The following DDX52 variants were observed in gnomAD, a reference collection of about 807,000 sequenced individuals.
The protein encoded by DDX52 is DExD-box helicase 52, also known as probable ATP-dependent RNA helicase DDX52.
Under a neutral mutation model 76.1 loss-of-function variants are expected in DDX52, and 59 were observed. The observed-to-expected ratio is 0.78, with a 90% CI of 0.63 to 0.96. The LOEUF (loss-of-function observed/expected upper bound fraction) is 0.96, where lower values mean the gene tolerates loss of function less well. Ranked by LOEUF, DDX52 falls within the 40% of genes least tolerant of loss-of-function variation. DDX52 has a pLI of 0.00. For synonymous variants in DDX52, 231 were observed against 244.1 expected, an observed-to-expected ratio of 0.95 and a Z score of 0.50; for missense variants, 707 against 703.9, an observed-to-expected ratio of 1.00 and a Z score of -0.05.
At chr17:37,626,718 G>T in intron 7 of DDX52, 70 bp downstream of exon 7, 1 of 1,472,120 alleles carries the variant, frequency 6.8e-7, no homozygotes, top group Non-Finnish European at 9.4e-7. Flanking sequence ...AAAAATACAA[G>T]CAATAGAGGA....
In DDX52 at chr17:37,612,329, G is replaced by A. The variant is rs1263906169; in HGVS notation, c.*1967C>T. On this transcript the variant is annotated 3_prime_UTR_variant, in exon 15 of 15. Transcript: ENST00000617633. The stretch of plus-strand genomic sequence containing the variant: ...TGAGCTCAGACAACCTGCCCGCCTA[G>A]GCCTCCCGAAGTGTTAGGATTACAG... 1 of 152,078 alleles carries A rather than the reference G, an allele frequency of 6.6e-6. No homozygotes were observed. The highest frequency in any genetic ancestry group is 2.4e-5 in the African/African-American group (1 of 41,404). 9.4% of individuals were successfully genotyped at this position (152,078 alleles called of 1,614,324 possible).
Position 37,632,198 on chromosome 17 carries a change from T to A in DDX52, c.518A>T (p.Asn173Ile). The A allele has an allele frequency of 6.2e-7, 1 of 1,613,920 alleles. No individual in the cohort carries two copies. The highest frequency in any genetic ancestry group is 8.5e-7 in the Non-Finnish European group (1 of 1,179,984). ...FQQLDQEYKINSRLLQNILDA... is the reference protein window; with the variant it reads ...FQQLDQEYKIISRLLQNILDA... ...TAGAATGTTCTGAAGTAGTCGAGAATTGATTTTATATTCCTGGTCAAGTTG... is the reference window on the plus strand; with the variant it reads ...TAGAATGTTCTGAAGTAGTCGAGAAATGATTTTATATTCCTGGTCAAGTTG... Residue 173 changes from asparagine (N) to isoleucine (I), a missense_variant, in exon 4 of 15, where the codon AAT becomes ATT. Asn to Ile is a moderately radical substitution (Grantham distance 149). Transcript: ENST00000617633.
intron 9 of DDX52, among the ~76,000 whole-genome samples, chr17:37,622,928 ATAT>A (rs529476847): frequency 1.6e-4 from 25 of 152,190 alleles, no homozygotes; most frequent in Non-Finnish European, 5.9e-5. Flanking sequence ...TATGAGGTAG[ATAT>A]TATTATCCCA....
intron 14 of DDX52, chr17:37,615,114 T>G (rs534331922): frequency 1.3e-5 from 2 of 152,298 alleles, no homozygotes; most frequent in East Asian, 3.9e-4. Context: ...AATGGGGAAG[T>G]TGGGGCTGAA....
chr17:37,639,263 A>G (rs2031074130), intron 2 of DDX52, among the ~76,000 whole-genome samples: 1 of 152,240 alleles, frequency 6.6e-6, no homozygotes, highest in South Asian at 2.1e-4. Flanking sequence ...ATGTAATACA[A>G]TAAGGGTACA....
At chr17:37,618,860 T>C (rs1286778634) in intron 13 of DDX52, among the ~76,000 whole-genome samples, 3 of 152,230 alleles carry the variant, frequency 2.0e-5, no homozygotes, top group Non-Finnish European at 2.9e-5. Flanking sequence ...GATCGCCTAA[T>C]AGGATTTACA....
chr17:37,616,171 T>C (rs950385894), intron 14 of DDX52, among the ~76,000 whole-genome samples: 32 of 152,318 alleles, frequency 2.1e-4, no homozygotes, highest in African/African-American at 5.8e-4. Flanking sequence ...ATTTGTTATC[T>C]TGGCTTTAAG....
intron 2 of DDX52, among the ~76,000 whole-genome samples, chr17:37,637,158 C>T (rs1026243557): frequency 2.0e-5 from 3 of 151,916 alleles, no homozygotes; most frequent in African/African-American, 7.3e-5. Flanking sequence ...TGGAGTCTTA[C>T]TGTGTCACCC....
chr17:37,642,294 T>C lies in DDX52; in HGVS notation c.102A>G (p.Lys34=). The change falls in exon 2 of 15, where the codon AAA becomes AAG. Residue 34 remains lysine (K), a synonymous_variant. Transcript: ENST00000617633. ...GCACCTCCGAAGAATCAAAGTCATA[T>C]TTCCTTTTTCCTATCTAAAACCCAA... ...DAARFQIGKR[K]YDFDSSEVLQ... is the part of the protein sequence containing the mutation. 6.2e-7 allele frequency: 1 copy of C among 1,612,866 alleles called. No homozygotes were observed. The highest frequency in any genetic ancestry group is 1.1e-5 in the South Asian group (1 of 90,832).
chr17:37,643,280 C>G, intron 1 of DDX52, 54 bp downstream of exon 1: 1 of 1,562,532 alleles, frequency 6.4e-7, no homozygotes, highest in Non-Finnish European at 8.7e-7. Flanking sequence ...GGGTTCATTC[C>G]CGGGCTCCTG....
rs2064398634 is a variant in DDX52, at chr17:37,614,198, G to C, written c.*98C>G. The C allele has an allele frequency of 3.2e-6, 4 of 1,233,192 alleles. No individual in the cohort carries two copies. The highest frequency in any genetic ancestry group is 1.5e-5 in the African/African-American group (1 of 66,084). The allele number at this position is 1,233,192 out of a possible 1,614,324, so 76.4% of individuals were successfully genotyped here. ...ACTTGTAGTTGATTTCAAATGTTTG[G>C]TACAGGTGACTGTAAGACTTCAAGT... On this transcript the variant is annotated 3_prime_UTR_variant, in exon 15 of 15. Coordinates refer to ENST00000617633, the MANE Select transcript of DDX52 (RefSeq NM_007010.5).
intron 4 of DDX52, chr17:37,631,780 A>G (rs376143954): frequency 8.0e-5 from 24 of 300,716 alleles, no homozygotes; most frequent in East Asian, 7.4e-4. Flanking sequence ...AAGGGGTTAC[A>G]CACTAGTAAA....
chr17:37,624,503 A>G, intron 8 of DDX52, 69 bp from the exon 9 acceptor site: 2 of 1,247,374 alleles, frequency 1.6e-6, no homozygotes, highest in Non-Finnish European at 1.1e-6. Context: ...CTCTAAATAA[A>G]TGAAAAAATT....
At position 37,613,617 on chromosome 17, in the gene DDX52, A is replaced by C. The variant is rs921542336; in HGVS notation, c.*679T>G. 1.3e-5 allele frequency: 2 copies of C among 152,366 alleles called. No individual in the cohort carries two copies. The highest frequency in any genetic ancestry group is 2.9e-5 in the Non-Finnish European group (2 of 68,046). 9.4% of individuals were successfully genotyped at this position (152,366 alleles called of 1,614,324 possible). A position where few individuals can be genotyped will look rare whatever the true frequency, so the allele number is the denominator to read the frequency against. The stretch of plus-strand genomic sequence containing the variant: ...GAACTGGAATAACCAGCCACAAAAG[A>C]GGCCTCTCTTTGTTGTGGTTCACAA... On this transcript the variant is annotated 3_prime_UTR_variant, in exon 15 of 15. Coordinates refer to ENST00000617633, the MANE Select transcript of DDX52 (RefSeq NM_007010.5).
chr17:37,639,714 C>CTGGGTGA, intron 2 of DDX52: 2 of 151,628 alleles, frequency 1.3e-5, no homozygotes, highest in Non-Finnish European at 2.9e-5. Context: ...GCACTCCAGC[C>CTGGGTGA]CCAGCCACAG....
In DDX52 at chr17:37,613,660, A is replaced by C. The variant is rs2064392805; in HGVS notation, c.*636T>G. On this transcript the variant is annotated 3_prime_UTR_variant, in exon 15 of 15. Transcript: ENST00000617633. ...GTTCACAACACAAAAGGCCATCAAC[A>C]AATTAGGAAATATTAAAATTAAGAG... is the stretch of plus-strand genomic sequence containing the variant. 1 of 152,558 alleles carries C rather than the reference A, an allele frequency of 6.6e-6. No individual in the cohort carries two copies. Among genetic ancestry groups the C allele is most frequent in the African/African-American group, 2.4e-5 (1 of 41,442 alleles). 9.5% of individuals were successfully genotyped at this position (152,558 alleles called of 1,614,324 possible).
chr17:37,638,006 A>C (rs1012389672), intron 2 of DDX52, among the ~76,000 whole-genome samples: 5 of 152,268 alleles, frequency 3.3e-5, no homozygotes, highest in Non-Finnish European at 5.9e-5. Context: ...AGTGGAATCA[A>C]GGTCCTAAAG....
At chr17:37,639,332 A>G (rs1009446321) in intron 2 of DDX52, 288 of 943,860 alleles carry the variant, frequency 3.1e-4, no homozygotes, top group Non-Finnish European at 3.4e-4. Flanking sequence ...GCTGGAAGGC[A>G]TCGCAAAGTA....
chr17:37,643,163 A>T, intron 1 of DDX52, 171 bp downstream of exon 1: 1 of 622,438 alleles, frequency 1.6e-6, no homozygotes, highest in Non-Finnish European at 2.8e-6. Flanking sequence ...AAAAGGCTTG[A>T]ACCGAGCAGC....
Sources: allele counts gnomAD v4.1 joint callset (sites outside exome capture counted in the v4.1 genomes callset), GRCh38; gene constraint gnomAD v4.1.1; transcripts MANE v1.5; gene names NCBI Gene and HGNC (gene_info 2026-07-23, HGNC 2026-07-21).